TSHZ2: variants seen among roughly 807,000 people sequenced by gnomAD.
The protein encoded by TSHZ2 is teashirt zinc finger homeobox 2.
A neutral mutation model predicts 74.4 loss-of-function variants in TSHZ2; 21 were observed. The ratio of observed to expected loss-of-function variants is 0.28; its 90% CI spans 0.20 to 0.41. TSHZ2 has a LOEUF of 0.41. Ranked by LOEUF, TSHZ2 falls within the 10% of genes least tolerant of loss-of-function variation. The pLI, the probability that TSHZ2 is intolerant of heterozygous loss-of-function variation, is 1.00. For synonymous variants in TSHZ2, 540 were observed against 515.3 expected, an observed-to-expected ratio of 1.05 and a Z score of -0.65; for missense variants, 1,244 against 1,293.5, an observed-to-expected ratio of 0.96 and a Z score of 0.59.
In TSHZ2 at chr20:53,256,474, A is replaced by C. The variant is rs1323562202; in HGVS notation, c.3016A>C (p.Lys1006Gln). The C allele has an allele frequency of 1.2e-6, 2 of 1,613,942 alleles. No homozygotes were observed. The highest frequency in any genetic ancestry group is 1.3e-5 in the African/African-American group (1 of 74,950). Residue 1006 changes from lysine (K) to glutamine (Q), a missense_variant, in exon 2 of 3, where the codon AAA becomes CAA. By Grantham distance (53) the Lys-to-Gln change is moderately conservative (BLOSUM62 1). This residue lies in a region of TSHZ2 where 185 missense variants were observed against 213.3 expected (regional missense o/e 0.87). Transcript: ENST00000371497. The surrounding 1 kb of genome is among the most constrained non-coding windows in gnomAD (Gnocchi z 4.3). ...GTTGTGCTGTCGGACATTTGTGAGCAAACATGCGGTAAAACTCCACCTAAG... is the reference window on the plus strand; with the variant it reads ...GTTGTGCTGTCGGACATTTGTGAGCCAACATGCGGTAAAACTCCACCTAAG... ...CKLCCRTFVS[K>Q]HAVKLHLSKT... is the part of the protein sequence containing the mutation.
intron 1 of TSHZ2, among the ~76,000 whole-genome samples, chr20:53,047,895 T>C (rs188813226): frequency 6.6e-6 from 1 of 152,198 alleles, no homozygotes; most frequent in Non-Finnish European, 1.5e-5. Context: ...AGATTTTCGC[T>C]GACTCTGAAA....
chr20:52,988,304 T>C (rs16997389), intron 1 of TSHZ2, among the ~76,000 whole-genome samples: 2,955 of 151,840 alleles, frequency 0.019, 95 homozygotes, highest in African/African-American at 0.067. Context: ...TGTAAGCTGG[T>C]TATGATTATT....
In TSHZ2 at chr20:53,254,581, T is replaced by A; in HGVS notation, c.1123T>A (p.Cys375Ser). The A allele has an allele frequency of 6.2e-7, 1 of 1,612,476 alleles. No homozygotes were observed. The highest frequency in any genetic ancestry group is 8.5e-7 in the Non-Finnish European group (1 of 1,178,594). The change falls in exon 2 of 3, where the codon TGC becomes AGC. Residue 375 changes from cysteine to serine, a missense_variant. Cys to Ser is a moderately radical substitution (Grantham distance 112, BLOSUM62 -1). Around this residue, in one of 6 missense-constraint regions of TSHZ2, gnomAD observed 470 missense variants for 456.5 expected, o/e 1.03. Transcript: ENST00000371497. ...GASYTWQFEA[C>S]KSQILKCMEC... ...CAGCTACACCTGGCAGTTTGAGGCC[T>A]GCAAGTCCCAGATCTTAAAGTGCAT...
intron 1 of TSHZ2, among the ~76,000 whole-genome samples, chr20:52,991,518 T>C (rs6022201): frequency 1.7e-4 from 25 of 146,882 alleles, no homozygotes; most frequent in Non-Finnish European, 2.7e-4. Flanking sequence ...TTTTCTGATG[T>C]ATGATTTTGT....
At chr20:53,165,631 A>G (rs889821695) in intron 1 of TSHZ2, among the ~76,000 whole-genome samples, 3 of 152,246 alleles carry the variant, frequency 2.0e-5, no homozygotes, top group African/African-American at 7.2e-5. Context: ...AGAAAAATAA[A>G]GCTTCTGACA....
At chr20:52,979,556 A>G (rs1292893098) in intron 1 of TSHZ2, among the ~76,000 whole-genome samples, 1 of 152,204 alleles carries the variant, frequency 6.6e-6, no homozygotes, top group Non-Finnish European at 1.5e-5. Context: ...CTGAGATGCG[A>G]GTGGGAATTG....
At chr20:53,026,186 C>T (rs1358210985) in intron 1 of TSHZ2, among the ~76,000 whole-genome samples, 1 of 152,050 alleles carries the variant, frequency 6.6e-6, no homozygotes, top group African/African-American at 2.4e-5. Context: ...GGAACCATAA[C>T]TGGAGCTGGT....
intron 2 of TSHZ2, among the ~76,000 whole-genome samples, chr20:53,424,417 C>T (rs1276594468): frequency 1.3e-5 from 2 of 152,102 alleles, no homozygotes; most frequent in African/African-American, 4.8e-5. Flanking sequence ...GAGAATATCC[C>T]GGATGACCAT....
intron 2 of TSHZ2, among the ~76,000 whole-genome samples, chr20:53,424,794 C>T (rs1182122057): frequency 6.6e-6 from 1 of 152,162 alleles, no homozygotes; most frequent in African/African-American, 2.4e-5. Context: ...TGTTCCACTG[C>T]CACTTACAAG....
intron 2 of TSHZ2, among the ~76,000 whole-genome samples, chr20:53,367,946 A>G (rs1184990977): frequency 6.6e-6 from 1 of 152,162 alleles, no homozygotes; most frequent in Non-Finnish European, 1.5e-5. Context: ...GTATTGTTTC[A>G]GGAACTTCAG....
chr20:53,256,535 A>C lies in TSHZ2; in HGVS notation c.3077A>C (p.Gln1026Pro). Reference sequence around the variant, plus strand: ...AGCAAGTCACCCGAACACCATTCACAGTTTGTAACAGACGTGGATGAAGAA... The same window carrying C: ...AGCAAGTCACCCGAACACCATTCACCGTTTGTAACAGACGTGGATGAAGAA... ...THSKSPEHHS[Q>P]FVTDVDEE The change falls in exon 2 of 3, where the codon CAG (glutamine) becomes CCG (proline). Residue 1026 changes from glutamine (Q) to proline (P), a missense_variant. Around this residue, in one of 6 missense-constraint regions of TSHZ2, gnomAD observed 185 missense variants for 213.3 expected, o/e 0.87. Transcript: ENST00000371497. The surrounding 1 kb of genome is among the most constrained non-coding windows in gnomAD (Gnocchi z 4.3). 2 of 1,598,714 alleles carry C rather than the reference A, an allele frequency of 1.3e-6. No individual in the cohort carries two copies. The highest frequency in any genetic ancestry group is 1.7e-6 in the Non-Finnish European group (2 of 1,169,518).
chr20:52,994,229 G>A (rs753120913), intron 1 of TSHZ2, among the ~76,000 whole-genome samples: 11 of 152,212 alleles, frequency 7.2e-5, no homozygotes, highest in Admixed American at 1.3e-4. Context: ...GCAATGGAGT[G>A]CCCAGAATAA....
At chr20:53,239,637 G>A (rs776264237) in intron 1 of TSHZ2, among the ~76,000 whole-genome samples, 5 of 152,114 alleles carry the variant, frequency 3.3e-5, no homozygotes, top group Non-Finnish European at 5.9e-5. Context: ...AATAACAATG[G>A]ATTTGGTGCT....
intron 1 of TSHZ2, among the ~76,000 whole-genome samples, chr20:53,077,091 T>C (rs1985388302): frequency 6.6e-6 from 1 of 152,122 alleles, no homozygotes; most frequent in Non-Finnish European, 1.5e-5. Flanking sequence ...CACAAGTCTA[T>C]GAGCTTAGCA....
chr20:53,220,505 A>G (rs1418147603), intron 1 of TSHZ2, among the ~76,000 whole-genome samples: 3 of 152,180 alleles, frequency 2.0e-5, no homozygotes, highest in African/African-American at 7.2e-5. Flanking sequence ...GGGTTAGCTC[A>G]TGGGCCAACC....
At chr20:53,091,559 T>A (rs1286476641) in intron 1 of TSHZ2, among the ~76,000 whole-genome samples, 1 of 152,258 alleles carries the variant, frequency 6.6e-6, no homozygotes, top group East Asian at 1.9e-4. Context: ...GTATTTTATA[T>A]GCAAAGCCAT....
At chr20:52,974,115 TA>T (rs1233448371) in intron 1 of TSHZ2, among the ~76,000 whole-genome samples, 1 of 152,200 alleles carries the variant, frequency 6.6e-6, no homozygotes, top group African/African-American at 2.4e-5. Flanking sequence ...ATCAGTACAA[TA>T]GACCTTCTAA....
intron 2 of TSHZ2, among the ~76,000 whole-genome samples, chr20:53,465,432 G>A (rs1429804996): frequency 5.3e-5 from 8 of 151,938 alleles, no homozygotes; most frequent in African/African-American, 1.7e-4. Flanking sequence ...CACCACACCC[G>A]ACTAATTTTT....
chr20:53,383,671 G>A (rs1981940137), intron 2 of TSHZ2, among the ~76,000 whole-genome samples: 1 of 152,178 alleles, frequency 6.6e-6, no homozygotes, highest in African/African-American at 2.4e-5. Flanking sequence ...TGAAGCAGGA[G>A]AATCTCTTGA....
Sources: gnomAD v4.1 joint callset for allele counts (sites outside exome capture counted in the v4.1 genomes callset) on GRCh38, gnomAD v4.1.1 for gene constraint, gnomAD v4.1.1 regional missense constraint, Gnocchi (gnomAD v3.1) non-coding constraint, MANE v1.5 for transcripts, NCBI Gene and HGNC (gene_info 2026-07-23, HGNC 2026-07-21) for gene names.